NR3C2: variants seen among roughly 807,000 people sequenced by gnomAD.
The protein encoded by NR3C2 is nuclear receptor subfamily 3 group C member 2.
NR3C2 carries 15 observed loss-of-function variants against 86.4 expected under a neutral mutation model. The observed-to-expected ratio is 0.17, with a 90% CI of 0.12 to 0.27. The LOEUF (loss-of-function observed/expected upper bound fraction) is 0.27. Ranked by LOEUF, NR3C2 falls within the 10% of genes least tolerant of loss-of-function variation. The probability of loss-of-function intolerance (pLI) is 1.00; values close to 1 mark genes in which losing one functional copy is unlikely to be tolerated. For missense variants in NR3C2, 960 were observed against 1,195.6 expected, an observed-to-expected ratio of 0.80 and a Z score of 2.91; for synonymous variants, 458 against 450.5, an observed-to-expected ratio of 1.02 and a Z score of -0.21.
chr4:148,134,848 G>T (rs1393540214), intron 6 of NR3C2, among the ~76,000 whole-genome samples: 4 of 151,022 alleles, frequency 2.6e-5, no homozygotes, highest in Non-Finnish European at 5.9e-5. Context: ...GTAGAGATGG[G>T]GTTTCCGCAT....
intron 2 of NR3C2, among the ~76,000 whole-genome samples, chr4:148,308,525 A>T (rs1742751318): frequency 6.6e-6 from 1 of 152,176 alleles, no homozygotes; most frequent in Non-Finnish European, 1.5e-5. Context: ...AGCCAAAAAA[A>T]AAGTTGATCT....
intron 2 of NR3C2, among the ~76,000 whole-genome samples, chr4:148,289,304 A>G (rs1741688196): frequency 6.7e-6 from 1 of 148,504 alleles, no homozygotes; most frequent in African/African-American, 2.5e-5. Context: ...TGATGTGAAT[A>G]TGACAGCCAA....
At chr4:148,399,826 A>G (rs1748052619) in intron 2 of NR3C2, among the ~76,000 whole-genome samples, 2 of 152,174 alleles carry the variant, frequency 1.3e-5, no homozygotes, top group Non-Finnish European at 2.9e-5. Flanking sequence ...CCCATGGACA[A>G]TCAACCCAGA....
At chr4:148,166,488 C>T (rs1734885428) in intron 4 of NR3C2, among the ~76,000 whole-genome samples, 2 of 152,216 alleles carry the variant, frequency 1.3e-5, no homozygotes. Flanking sequence ...AATTCCAGAG[C>T]TTTGGTGGCT....
intron 3 of NR3C2, among the ~76,000 whole-genome samples, chr4:148,230,769 C>T (rs1021359126): frequency 1.3e-5 from 2 of 152,226 alleles, no homozygotes; most frequent in African/African-American, 4.8e-5. Flanking sequence ...TAAGAGTAAG[C>T]GGAAGTTCAA....
intron 2 of NR3C2, among the ~76,000 whole-genome samples, chr4:148,334,977 C>T (rs530240215): frequency 6.6e-6 from 1 of 152,184 alleles, no homozygotes; most frequent in Non-Finnish European, 1.5e-5. Context: ...GACATTCTCG[C>T]TCCGTGGGTA....
chr4:148,299,704 A>G (rs1312147276), intron 2 of NR3C2, among the ~76,000 whole-genome samples: 1 of 152,238 alleles, frequency 6.6e-6, no homozygotes, highest in African/African-American at 2.4e-5. Flanking sequence ...CTACATGCAT[A>G]AGAATAAGAG....
chr4:148,330,649 C>T (rs1744183878), intron 2 of NR3C2, among the ~76,000 whole-genome samples: 1 of 152,218 alleles, frequency 6.6e-6, no homozygotes, highest in Non-Finnish European at 1.5e-5. Flanking sequence ...CACTGTTATT[C>T]TCCCATTTGA....
chr4:148,388,399 C>G (rs1422149659), intron 2 of NR3C2, among the ~76,000 whole-genome samples: 2 of 152,110 alleles, frequency 1.3e-5, no homozygotes, highest in Non-Finnish European at 2.9e-5. Flanking sequence ...CATTGGCGCT[C>G]AAAAAGTTTT....
chr4:148,431,548 G>A (rs1749801762), intron 2 of NR3C2, among the ~76,000 whole-genome samples: 1 of 152,022 alleles, frequency 6.6e-6, no homozygotes. Flanking sequence ...CCATTCTAAG[G>A]GCTTTACATT....
intron 2 of NR3C2, among the ~76,000 whole-genome samples, chr4:148,292,493 T>C (rs1310552261): frequency 2.6e-5 from 4 of 152,114 alleles, no homozygotes; most frequent in African/African-American, 9.7e-5. Context: ...AAAGAAAAAT[T>C]CTAATATTTT....
intron 3 of NR3C2, among the ~76,000 whole-genome samples, chr4:148,232,013 C>G (rs189618486): frequency 3.0e-4 from 46 of 152,244 alleles, no homozygotes; most frequent in African/African-American, 1.1e-3. Flanking sequence ...CTATTTCTAC[C>G]ACATCTGCAG....
intron 2 of NR3C2, among the ~76,000 whole-genome samples, chr4:148,425,902 C>G (rs1749506243): frequency 6.6e-6 from 1 of 152,130 alleles, no homozygotes; most frequent in Non-Finnish European, 1.5e-5. Flanking sequence ...ATAGTGACGG[C>G]AGTCACCAGC....
At chr4:148,426,479 T>C (rs903795058) in intron 2 of NR3C2, among the ~76,000 whole-genome samples, 1 of 152,226 alleles carries the variant, frequency 6.6e-6, no homozygotes, top group Non-Finnish European at 1.5e-5. Context: ...AGTTTCAGTA[T>C]CCATGCCCAT....
intron 8 of NR3C2, among the ~76,000 whole-genome samples, chr4:148,109,627 A>G (rs537366619): frequency 4.6e-5 from 7 of 152,362 alleles, no homozygotes; most frequent in African/African-American, 1.7e-4. Context: ...ACATATGCGT[A>G]CCATGTGGAA....
intron 4 of NR3C2, among the ~76,000 whole-genome samples, chr4:148,163,561 G>A (rs1461894157): frequency 6.6e-6 from 1 of 151,992 alleles, no homozygotes; most frequent in African/African-American, 2.4e-5. Context: ...AACACCTAAC[G>A]TCCTCTGTGC....
intron 2 of NR3C2, among the ~76,000 whole-genome samples, chr4:148,298,082 C>A (rs1193000659): frequency 1.3e-5 from 2 of 152,084 alleles, no homozygotes; most frequent in African/African-American, 4.8e-5. Context: ...TCCAACAATT[C>A]CCCTCTTAGA....
intron 2 of NR3C2, among the ~76,000 whole-genome samples, chr4:148,324,212 C>T (rs146971225): frequency 6.6e-6 from 1 of 152,150 alleles, no homozygotes; most frequent in Non-Finnish European, 1.5e-5. Context: ...TAAATAAGGT[C>T]GCACGGTATT....
intron 3 of NR3C2, among the ~76,000 whole-genome samples, chr4:148,233,840 TATA>T (rs1240837195): frequency 6.6e-6 from 1 of 151,852 alleles, no homozygotes; most frequent in South Asian, 2.1e-4. Flanking sequence ...CTATAACAGA[TATA>T]ATAATAATAA....
Sources: gnomAD v4.1 joint callset for allele counts (sites outside exome capture counted in the v4.1 genomes callset) on GRCh38, gnomAD v4.1.1 for gene constraint, MANE v1.5 for transcripts, NCBI Gene and HGNC (gene_info 2026-07-23, HGNC 2026-07-21) for gene names.